MAML2: variants seen among roughly 807,000 people sequenced by gnomAD.
The protein encoded by MAML2 is mastermind like transcriptional coactivator 2.
In MAML2, 22 loss-of-function variants were observed where a neutral mutation model predicts 96.1. That is an observed-to-expected ratio of 0.23 (90% CI 0.16 to 0.33). The LOEUF is 0.33. MAML2 is among the 10% of genes least tolerant of loss of function. The pLI is 1.00. For missense variants in MAML2, 1,367 were observed against 1,392.4 expected (o/e 0.98, Z 0.29); for synonymous variants, 561 against 521.3 (o/e 1.08, Z -1.04).
chr11:96,034,937 T>C (rs1203432150), intron 2 of MAML2, among the ~76,000 whole-genome samples: 2 of 152,188 alleles, frequency 1.3e-5, no homozygotes, highest in African/African-American at 4.8e-5. Context: ...GGGAAGCATA[T>C]GGGAGTGTCC....
intron 1 of MAML2, among the ~76,000 whole-genome samples, chr11:96,186,738 G>A (rs187360471): frequency 2.0e-5 from 3 of 152,304 alleles, no homozygotes; most frequent in Admixed American, 6.5e-5. Flanking sequence ...ATGAGAAACC[G>A]ATAGAGAGAG....
At chr11:96,264,082 G>C (rs1862790439) in intron 1 of MAML2, among the ~76,000 whole-genome samples, 1 of 152,200 alleles carries the variant, frequency 6.6e-6, no homozygotes, top group South Asian at 2.1e-4. Flanking sequence ...TAGAGTGCCA[G>C]AGTGTCTCTT....
intron 2 of MAML2, among the ~76,000 whole-genome samples, chr11:96,006,768 C>T (rs1337896180): frequency 6.6e-6 from 1 of 151,270 alleles, no homozygotes; most frequent in Non-Finnish European, 1.5e-5. Flanking sequence ...CCATGTTGGG[C>T]AGGCTGGTTT....
chr11:96,327,053 G>C (rs968577236), intron 1 of MAML2, among the ~76,000 whole-genome samples: 8 of 152,198 alleles, frequency 5.3e-5, no homozygotes, highest in African/African-American at 1.9e-4. Context: ...TCTGTAATGG[G>C]ATAACATGAT....
chr11:96,036,549 G>T (rs1040435433), intron 2 of MAML2, among the ~76,000 whole-genome samples: 1 of 152,138 alleles, frequency 6.6e-6, no homozygotes, highest in African/African-American at 2.4e-5. Context: ...GATTTTAGGA[G>T]CTCACGATAG....
chr11:96,098,478 G>A lies in MAML2; in HGVS notation c.514-4961C>T, dbSNP rs191313249. Among the ~76,000 whole-genome samples the A allele has an allele frequency of 3.3e-5, 5 of 152,296 alleles. 1 individual carries two copies. Among genetic ancestry groups the A allele is most frequent in the African/African-American group, 1.2e-4 (5 of 41,546 alleles). ...TGCCCCACAATTACGTTTAATTCAT[G>A]AGACTGTGCATTTAATATCACCCTT... is the stretch of plus-strand genomic sequence containing the variant. On this transcript the variant is annotated intron_variant, in intron 1 of 4. Transcript: ENST00000524717.
intron 2 of MAML2, among the ~76,000 whole-genome samples, chr11:96,090,036 A>C (rs1859679819): frequency 1.7e-5 from 1 of 57,846 alleles, no homozygotes; most frequent in Non-Finnish European, 4.1e-5. Context: ...TTTCCCTCAT[A>C]CGGATGAAAT....
intron 2 of MAML2, among the ~76,000 whole-genome samples, chr11:96,007,540 A>G (rs978829118): frequency 5.3e-5 from 8 of 152,108 alleles, no homozygotes; most frequent in Non-Finnish European, 7.4e-5. Context: ...GTTTATTTAC[A>G]TGTATGTTTT....
In MAML2 at chr11:96,080,366, AG is replaced by A. The variant is rs767461363; in HGVS notation, c.2139+11525del. ...CTGAGACTGAAAAGAGTGAGGGAAA[AG>A]GGGCCAGGGAATAGCTTTTGCATTT... On this transcript the variant is annotated intron_variant, in intron 2 of 4. Transcript: ENST00000524717. 3.9e-5 allele frequency among the ~76,000 whole-genome samples: 6 copies of A among 152,214 alleles called. No homozygotes were observed. In the East Asian group the frequency reaches 7.7e-4, roughly 19 times the overall value.
At chr11:96,147,786 G>A (rs955347461) in intron 1 of MAML2, among the ~76,000 whole-genome samples, 4 of 152,202 alleles carry the variant, frequency 2.6e-5, no homozygotes, top group South Asian at 2.1e-4. Context: ...TATGATTTCC[G>A]AATCTATCAC....
chr11:96,272,180 T>G (rs1862925248), intron 1 of MAML2, among the ~76,000 whole-genome samples: 1 of 131,230 alleles, frequency 7.6e-6, no homozygotes, highest in Admixed American at 7.4e-5. Context: ...TGCATTGTAC[T>G]TGTGTTGTGT....
chr11:96,004,490 T>C (rs1858146132), intron 2 of MAML2, among the ~76,000 whole-genome samples: 1 of 152,160 alleles, frequency 6.6e-6, no homozygotes, highest in Non-Finnish European at 1.5e-5. Context: ...AATTTCACCT[T>C]AATGACAATT....
chr11:96,091,380 A>G (rs917415470), intron 2 of MAML2, among the ~76,000 whole-genome samples: 3 of 152,188 alleles, frequency 2.0e-5, no homozygotes, highest in East Asian at 1.9e-4. Context: ...TTCGGTCCAC[A>G]TGCATCACAG....
intron 2 of MAML2, among the ~76,000 whole-genome samples, chr11:96,011,020 GC>G (rs1415908166): frequency 6.6e-6 from 1 of 152,048 alleles, no homozygotes; most frequent in Non-Finnish European, 1.5e-5. Flanking sequence ...AAATGGTTAT[GC>G]TTACTATTTC....
At chr11:96,021,665 C>G (rs1424718545) in intron 2 of MAML2, among the ~76,000 whole-genome samples, 1 of 152,182 alleles carries the variant, frequency 6.6e-6, no homozygotes, top group African/African-American at 2.4e-5. Context: ...GGTGGCTGCT[C>G]CAACACCTAT....
At chr11:96,022,142 G>A (rs1215622205) in intron 2 of MAML2, among the ~76,000 whole-genome samples, 1 of 152,168 alleles carries the variant, frequency 6.6e-6, no homozygotes, top group Non-Finnish European at 1.5e-5. Context: ...CCAACCATGT[G>A]ATCCATTCAC....
chr11:96,084,159 G>T (rs1239962564), intron 2 of MAML2, among the ~76,000 whole-genome samples: 1 of 152,088 alleles, frequency 6.6e-6, no homozygotes, highest in Non-Finnish European at 1.5e-5. Context: ...TGGGTGAATG[G>T]GTAGGAGTCA....
chr11:96,107,492 A>C (rs114879289), intron 1 of MAML2, among the ~76,000 whole-genome samples: 1,794 of 152,346 alleles, frequency 0.012, 42 homozygotes, highest in African/African-American at 0.041. Context: ...AATAAGAAAC[A>C]TATTTGCTCT....
At chr11:96,274,842 C>A (rs934403217) in intron 1 of MAML2, among the ~76,000 whole-genome samples, 1 of 152,024 alleles carries the variant, frequency 6.6e-6, no homozygotes, top group African/African-American at 2.4e-5. Flanking sequence ...ATAAATATCA[C>A]CTGAATCTAA....
Sources: allele counts gnomAD v4.1 joint callset (sites outside exome capture counted in the v4.1 genomes callset), GRCh38; gene constraint gnomAD v4.1.1; transcripts MANE v1.5; gene names NCBI Gene and HGNC (gene_info 2026-07-23, HGNC 2026-07-21).